Variants in BMPR1A observed in about 807,000 individuals in gnomAD.
BMPR1A encodes the protein bone morphogenetic protein receptor type-1A.
In BMPR1A, 7 loss-of-function variants were observed where a neutral mutation model predicts 66.0. The ratio of observed to expected loss-of-function variants is 0.11; its 90% CI spans 0.06 to 0.20. The LOEUF (loss-of-function observed/expected upper bound fraction) is 0.20, where lower values mean the gene tolerates loss of function less well. Among genes scored for constraint, BMPR1A ranks in the 10% least tolerant of loss-of-function variants. The probability of loss-of-function intolerance (pLI) is 1.00; values close to 1 mark genes in which losing one functional copy is unlikely to be tolerated. For synonymous variants in BMPR1A, 200 were observed against 229.7 expected (o/e 0.87, Z 1.17); for missense variants, 408 against 669.1 (o/e 0.61, Z 4.31).
rs111936868 is a variant in BMPR1A at position 86,826,798 on chromosome 10, A to G, written c.-267-12067A>G. Among the ~76,000 whole-genome samples, 176 of 151,574 alleles carry G rather than the reference A, an allele frequency of 1.2e-3. 1 individual carries two copies. Among genetic ancestry groups the G allele is most frequent in the African/African-American group, 4.0e-3 (167 of 41,382 alleles). On this transcript the variant is annotated intron_variant, in intron 1 of 12. Coordinates refer to ENST00000372037, the MANE Select transcript of BMPR1A (RefSeq NM_004329.3). ...ATTTCAAAATAGAATTTTGTAATTT[A>G]CTCTTAATTTTCTTAGTATGTTGTA...
chr10:86,845,917 G>A (rs1382041803), intron 2 of BMPR1A, among the ~76,000 whole-genome samples: 1 of 151,716 alleles, frequency 6.6e-6, no homozygotes, highest in Non-Finnish European at 1.5e-5. Flanking sequence ...GAATGGCGTG[G>A]ACTCGGGAGG....
intron 1 of BMPR1A, among the ~76,000 whole-genome samples, chr10:86,799,775 C>T (rs1334181426): frequency 6.6e-6 from 1 of 151,926 alleles, no homozygotes; most frequent in Non-Finnish European, 1.5e-5. Context: ...TGGGCTCAAG[C>T]GATCCACCCA....
rs11450437 is a variant in BMPR1A, at chr10:86,925,721, C to CTTTTTTTTTTTTTTTTTTTTTTTT, written c.*2019_*2020insTTTTTTTTTTTTTTTTTTTTTTTT. On this transcript the variant is annotated 3_prime_UTR_variant, in exon 13 of 13. Transcript: ENST00000372037. ...CATAATCTTTAAAATCATTTGTCAT[C>CTTTTTTTTTTTTTTTTTTTTTTTT]TTTTTTTTTTTTTTTTTGAGACGGA... The CTTTTTTTTTTTTTTTTTTTTTTTT allele has an allele frequency of 1.7e-5, 2 of 116,306 alleles. No individual in the cohort carries two copies. Among genetic ancestry groups the CTTTTTTTTTTTTTTTTTTTTTTTT allele is most frequent in the East Asian group, 3.0e-4 (1 of 3,368 alleles). The allele number at this position is 116,306 out of a possible 1,614,324, so 7.2% of individuals were successfully genotyped here. A position where few individuals can be genotyped will look rare whatever the true frequency, so the allele number is the denominator to read the frequency against.
intron 1 of BMPR1A, among the ~76,000 whole-genome samples, chr10:86,776,954 A>C (rs990320392): frequency 2.6e-5 from 4 of 152,160 alleles, no homozygotes; most frequent in African/African-American, 9.6e-5. Flanking sequence ...CCATAATTTC[A>C]GTTCTACCCT....
At chr10:86,895,571 A>G (rs1351670498) in intron 5 of BMPR1A, among the ~76,000 whole-genome samples, 1 of 152,194 alleles carries the variant, frequency 6.6e-6, no homozygotes, top group East Asian at 1.9e-4. Flanking sequence ...ATGGTATAAT[A>G]GTCTCCTTCC....
At position 86,901,013 on chromosome 10, in the gene BMPR1A, G is replaced by A. The variant is rs150703460; in HGVS notation, c.530+887G>A. ...TGGCAAAAGTGACTTCCAAGTCTAC[G>A]TTATAAACAGCTTTGCAGCTTTCAC... On this transcript the variant is annotated intron_variant, in intron 7 of 12. Transcript: ENST00000372037. Among the ~76,000 whole-genome samples, 162 of 152,322 alleles carry A rather than the reference G, an allele frequency of 1.1e-3. 1 individual carries two copies. Among genetic ancestry groups the A allele is most frequent in the Middle Eastern group, 3.4e-3 (1 of 294 alleles).
At chr10:86,865,559 C>A (rs1159466726) in intron 2 of BMPR1A, among the ~76,000 whole-genome samples, 2 of 152,216 alleles carry the variant, frequency 1.3e-5, no homozygotes, top group Non-Finnish European at 2.9e-5. Flanking sequence ...TTATTGCTCA[C>A]ACAAAGCCTG....
At chr10:86,810,751 A>G (rs1841957850) in intron 1 of BMPR1A, among the ~76,000 whole-genome samples, 1 of 152,056 alleles carries the variant, frequency 6.6e-6, no homozygotes, top group Non-Finnish European at 1.5e-5. Flanking sequence ...TAACTGGGTT[A>G]TTTCTCTTTT....
At position 86,919,389 on chromosome 10, in the gene BMPR1A, C is replaced by T. The variant is rs201415408; in HGVS notation, c.1086C>T (p.Asp362=). The stretch of plus-strand genomic sequence containing the variant: ...GAAAGCCCGCAATTGCTCATCGAGA[C>T]CTAAAGAGCAAAAACATCCTCATCA... ...TQGKPAIAHR[D]LKSKNILIKK... Residue 362 remains aspartate, a synonymous_variant, in exon 10 of 13, where the codon GAC becomes GAT. Transcript: ENST00000372037. 25 of 1,613,010 alleles carry T rather than the reference C, an allele frequency of 1.5e-5. No individual in the cohort carries two copies. Among genetic ancestry groups the T allele is most frequent in the Non-Finnish European group, 5.1e-6 (6 of 1,179,798 alleles).
intron 2 of BMPR1A, among the ~76,000 whole-genome samples, chr10:86,870,029 T>C (rs1842835378): frequency 6.6e-6 from 1 of 152,134 alleles, no homozygotes. Flanking sequence ...TTATTTATAT[T>C]TATTATTTTA....
In BMPR1A at chr10:86,920,137, T is replaced by G. The variant is rs374613314; in HGVS notation, c.1166+668T>G. Among the ~76,000 whole-genome samples, 3 of 152,350 alleles carry G rather than the reference T, an allele frequency of 2.0e-5. No homozygotes were observed. In the South Asian group the frequency reaches 6.2e-4, roughly 32 times the overall value. Reference sequence around the variant, plus strand: ...GTCTTCAGTTGATTATGAAAAGGTTTTTTAATGAACATTGTTGTATTTTAA... The same window carrying G: ...GTCTTCAGTTGATTATGAAAAGGTTGTTTAATGAACATTGTTGTATTTTAA... On this transcript the variant is annotated intron_variant, in intron 10 of 12. Coordinates refer to ENST00000372037, the MANE Select transcript of BMPR1A (RefSeq NM_004329.3).
chr10:86,805,461 CT>C (rs1332479141), intron 1 of BMPR1A, among the ~76,000 whole-genome samples: 1,448 of 109,020 alleles, frequency 0.013, 18 homozygotes, highest in African/African-American at 0.042. Context: ...TTTCAGTTTC[CT>C]TTTTTTTTTT....
intron 3 of BMPR1A, among the ~76,000 whole-genome samples, chr10:86,884,947 T>C (rs932356826): frequency 2.6e-5 from 4 of 152,228 alleles, no homozygotes; most frequent in Non-Finnish European, 5.9e-5. Flanking sequence ...TAATTTTTTA[T>C]TGGCCTTCCA....
intron 1 of BMPR1A, among the ~76,000 whole-genome samples, chr10:86,768,580 A>G (rs1841203693): frequency 6.6e-6 from 1 of 152,246 alleles, no homozygotes; most frequent in African/African-American, 2.4e-5. Context: ...CAACAAAAGA[A>G]GTCATTCAAT....
At chr10:86,883,762 T>TC (rs1843026654) in intron 3 of BMPR1A, among the ~76,000 whole-genome samples, 1 of 151,532 alleles carries the variant, frequency 6.6e-6, no homozygotes, top group Non-Finnish European at 1.5e-5. Context: ...AGAGTGAGAC[T>TC]CCATTTCAAA....
intron 8 of BMPR1A, among the ~76,000 whole-genome samples, chr10:86,915,015 T>G (rs1843544070): frequency 6.6e-6 from 1 of 152,214 alleles, no homozygotes; most frequent in Non-Finnish European, 1.5e-5. Flanking sequence ...CAGTGGAATA[T>G]TACTCATCAG....
chr10:86,779,832 C>T (rs115332021), intron 1 of BMPR1A, among the ~76,000 whole-genome samples: 1 of 152,140 alleles, frequency 6.6e-6, no homozygotes, highest in Non-Finnish European at 1.5e-5. Flanking sequence ...AAATTCCTGG[C>T]CTTCAGCGAT....
chr10:86,869,126 T>A (rs1842821454), intron 2 of BMPR1A, among the ~76,000 whole-genome samples: 1 of 152,186 alleles, frequency 6.6e-6, no homozygotes, highest in Admixed American at 6.5e-5. Context: ...ATTTAAAAAA[T>A]ATATTTTATC....
At chr10:86,876,943 A>G (rs1248579926) in intron 3 of BMPR1A, among the ~76,000 whole-genome samples, 1 of 152,214 alleles carries the variant, frequency 6.6e-6, no homozygotes, top group Non-Finnish European at 1.5e-5. Flanking sequence ...CCAAACAGGA[A>G]GTTATTGTGA....
Sources: allele counts gnomAD v4.1 joint callset (sites outside exome capture counted in the v4.1 genomes callset), GRCh38; gene constraint gnomAD v4.1.1; transcripts MANE v1.5; gene names NCBI Gene and HGNC (gene_info 2026-07-23, HGNC 2026-07-21).